Variants in DDI2 observed in about 807,000 individuals in gnomAD.
DDI2 encodes DDI proteasomal shuttling factor 2, also known as protein DDI1 homolog 2.
Under a neutral mutation model 48.1 loss-of-function variants are expected in DDI2, and 5 were observed. The observed-to-expected ratio is 0.10, with a 90% CI of 0.05 to 0.22. DDI2 has a LOEUF of 0.22. Ranked by LOEUF, DDI2 falls within the 10% of genes least tolerant of loss-of-function variation. The probability of loss-of-function intolerance (pLI) is 1.00; values close to 1 mark genes in which losing one functional copy is unlikely to be tolerated. For synonymous variants in DDI2, 205 were observed against 183.6 expected (o/e 1.12, Z -0.94); for missense variants, 285 against 506.2 (o/e 0.56, Z 4.19).
chr1:15,657,158 TCAGGGGTGACTCTGAA>T (rs1640284848), intron 9 of DDI2, among the ~76,000 whole-genome samples: 1 of 152,218 alleles, frequency 6.6e-6, no homozygotes, highest in Non-Finnish European at 1.5e-5. Context: ...AGAGGACTTG[TCAGGGGTGACTCTGAA>T]CAACAGGAAC....
chr1:15,651,715 G>A lies in DDI2; in HGVS notation c.1003G>A (p.Asp335Asn), dbSNP rs920969914. The change falls in exon 8 of 10, where the codon GAC (aspartate) becomes AAC (asparagine). Residue 335 changes from aspartate to asparagine, a missense_variant. By Grantham distance (23) the Asp-to-Asn change is conservative. Coordinates refer to ENST00000480945, the MANE Select transcript of DDI2 (RefSeq NM_032341.5). ...DMLKRHQCSI[D>N]LKKNVLVIGT... ...GTTTCTTTCTTCCAAGTGTTCCATC[G>A]ACCTGAAGAAAAATGTACTCGTGAT... 5 of 1,603,714 alleles carry A rather than the reference G, an allele frequency of 3.1e-6. No homozygotes were observed. Among genetic ancestry groups the A allele is most frequent in the Non-Finnish European group, 1.7e-6 (2 of 1,176,054 alleles).
chr1:15,647,129 T>A (rs1640104129), intron 6 of DDI2, among the ~76,000 whole-genome samples: 1 of 151,992 alleles, frequency 6.6e-6, no homozygotes, highest in South Asian at 2.1e-4. Context: ...GGATCAGCTT[T>A]TGGGTTGTTT....
At chr1:15,622,376 T>C (rs541381624) in intron 1 of DDI2, among the ~76,000 whole-genome samples, 2 of 152,142 alleles carry the variant, frequency 1.3e-5, no homozygotes, top group African/African-American at 4.8e-5. Flanking sequence ...TTTTTGTTAA[T>C]AGAAGGCTCT....
rs1163198011 is a variant in DDI2, at chr1:15,666,350, TG to T, written c.*6562del. On this transcript the variant is annotated 3_prime_UTR_variant, in exon 10 of 10. Coordinates refer to ENST00000480945, the MANE Select transcript of DDI2 (RefSeq NM_032341.5). Reference sequence around the variant, plus strand: ...GGGGAAAGTTTGAAAATAGCTCTCCTGGAGATGGAGGGCACACAGAGTGGTC... The same window carrying T: ...GGGGAAAGTTTGAAAATAGCTCTCCTGAGATGGAGGGCACACAGAGTGGTC... 1.3e-5 allele frequency: 2 copies of T among 152,290 alleles called. No individual in the cohort carries two copies. The allele number at this position is 152,290 out of a possible 1,614,324, so 9.4% of individuals were successfully genotyped here.
Position 15,651,765 on chromosome 1 carries a change from C to G in DDI2, c.1053C>G (p.Thr351=), listed in dbSNP as rs765172868. The G allele has an allele frequency of 5.6e-6, 9 of 1,613,944 alleles. No individual in the cohort carries two copies. Among genetic ancestry groups the G allele is most frequent in the Non-Finnish European group, 7.6e-6 (9 of 1,179,848 alleles). The change falls in exon 8 of 10, where the codon ACC becomes ACG. Residue 351 remains threonine, a synonymous_variant. Coordinates refer to ENST00000480945, the MANE Select transcript of DDI2 (RefSeq NM_032341.5). The part of the protein sequence containing the change: ...LVIGTTGSQT[T]FLPEGELPEC... ...TCGGCACCACAGGCTCCCAGACCAC[C>G]TTTCTTCCTGAGGGAGAGCTACCAG...
rs140251091 is a variant in DDI2 at position 15,659,907 on chromosome 1, C to A, written c.*117C>A. The stretch of plus-strand genomic sequence containing the variant: ...CAACTTCAGATGGGTTTAACCATCC[C>A]GCCCGTTCTTCAGGACAGAGTCCTG... On this transcript the variant is annotated 3_prime_UTR_variant, in exon 10 of 10. Coordinates refer to ENST00000480945, the MANE Select transcript of DDI2 (RefSeq NM_032341.5). The A allele has an allele frequency of 6.2e-7, 1 of 1,604,268 alleles. No homozygotes were observed. Among genetic ancestry groups the A allele is most frequent in the Non-Finnish European group, 8.5e-7 (1 of 1,176,906 alleles).
Position 15,661,192 on chromosome 1 carries a change from GA to G in DDI2, c.*1406del. 2 of 1,614,196 alleles carry G rather than the reference GA, an allele frequency of 1.2e-6. No individual in the cohort carries two copies. Among genetic ancestry groups the G allele is most frequent in the Non-Finnish European group, 1.7e-6 (2 of 1,180,032 alleles). On this transcript the variant is annotated 3_prime_UTR_variant, in exon 10 of 10. Coordinates refer to ENST00000480945, the MANE Select transcript of DDI2 (RefSeq NM_032341.5). The stretch of plus-strand genomic sequence containing the variant: ...ATCTGACACTGGAAGAGAAGCTGTA[GA>G]AAATGTAAACTTCAGGAGTCTAGGT...
chr1:15,644,620 G>A (rs1163763999), intron 6 of DDI2, among the ~76,000 whole-genome samples: 4 of 111,208 alleles, frequency 3.6e-5, no homozygotes, highest in Admixed American at 1.1e-4. Context: ...TTGAGACGGA[G>A]TCTCACTCTG....
Position 15,661,464 on chromosome 1 carries a change from AACAG to A in DDI2, c.*1679_*1682del, listed in dbSNP as rs762372962. ...TAGGTCAGGGCATACAGAATTCAGT[AACAG>A]ACAGGCCTGAAACCAGAGAAAATGT... is the stretch of plus-strand genomic sequence containing the variant. On this transcript the variant is annotated 3_prime_UTR_variant, in exon 10 of 10. Transcript: ENST00000480945. The A allele has an allele frequency of 2.6e-5, 42 of 1,613,850 alleles. No homozygotes were observed. The highest frequency in any genetic ancestry group is 6.7e-5 in the Admixed American group (4 of 59,988).
chr1:15,631,189 TCAA>T (rs1269230989), intron 3 of DDI2, among the ~76,000 whole-genome samples: 2 of 145,532 alleles, frequency 1.4e-5, no homozygotes, highest in African/African-American at 5.1e-5. Flanking sequence ...AAAGAGATCA[TCAA>T]CAAGCCAGCT....
At position 15,617,606 on chromosome 1, in the gene DDI2, C is replaced by T; in HGVS notation, c.-65C>T. On this transcript the variant is annotated 5_prime_UTR_variant, in exon 1 of 10. Coordinates refer to ENST00000480945, the MANE Select transcript of DDI2 (RefSeq NM_032341.5). The stretch of plus-strand genomic sequence containing the variant: ...CAGCACCAGCCAGGCCACGCCGCCG[C>T]CTCTTCCCCTGCGCCCCGCGCCCAG... The T allele has an allele frequency of 7.9e-7, 1 of 1,259,382 alleles. No individual in the cohort carries two copies. The highest frequency in any genetic ancestry group is 1.0e-6 in the Non-Finnish European group (1 of 994,712). 78.0% of individuals were successfully genotyped at this position (1,259,382 alleles called of 1,614,324 possible).
At chr1:15,642,009 T>G (rs1640018540) in intron 5 of DDI2, among the ~76,000 whole-genome samples, 1 of 149,318 alleles carries the variant, frequency 6.7e-6, no homozygotes, top group South Asian at 2.1e-4. Flanking sequence ...TAGCAGAAAT[T>G]GCATAGACCT....
rs368644509 is a variant in DDI2, at chr1:15,618,166, A to T, written c.138+358A>T. Reference sequence around the variant, plus strand: ...GTAGGATATCGTTGTGGACCTCAGAAGCAGCCCTGGGTTTGCTAGGATTCA... The same window carrying T: ...GTAGGATATCGTTGTGGACCTCAGATGCAGCCCTGGGTTTGCTAGGATTCA... On this transcript the variant is annotated intron_variant, in intron 1 of 9. Transcript: ENST00000480945. Among the ~76,000 whole-genome samples, 15 of 151,966 alleles carry T rather than the reference A, an allele frequency of 9.9e-5. No homozygotes were observed. The South Asian group carries it at 1.7e-3, about 17-fold the overall frequency.
intron 3 of DDI2, among the ~76,000 whole-genome samples, chr1:15,632,931 TAAAA>T (rs766037022): frequency 0.012 from 1,261 of 106,018 alleles, 34 homozygotes; most frequent in African/African-American, 0.046. Flanking sequence ...TTTTTTTTTT[TAAAA>T]AAAAAAAAAC....
At chr1:15,648,113 T>C (rs1010507364) in intron 6 of DDI2, among the ~76,000 whole-genome samples, 2 of 152,236 alleles carry the variant, frequency 1.3e-5, no homozygotes, top group East Asian at 1.9e-4. Context: ...GTTTCTCTTA[T>C]TGATTTGTGT....
intron 8 of DDI2, among the ~76,000 whole-genome samples, chr1:15,655,094 A>G (rs1640251582): frequency 6.6e-6 from 1 of 152,174 alleles, no homozygotes; most frequent in Non-Finnish European, 1.5e-5. Flanking sequence ...AAACAGATAC[A>G]CATATGTTTC....
At position 15,661,113 on chromosome 1, in the gene DDI2, C is replaced by T. The variant is rs761264316; in HGVS notation, c.*1323C>T. On this transcript the variant is annotated 3_prime_UTR_variant, in exon 10 of 10. Transcript: ENST00000480945. ...AGAATGAACAGTGTCCACAAGTCTC[C>T]TTTCATCAGGCCATATCTGTATCAG... The T allele has an allele frequency of 1.2e-5, 19 of 1,613,682 alleles. No homozygotes were observed. The highest frequency in any genetic ancestry group is 1.6e-5 in the Non-Finnish European group (19 of 1,179,876).
rs538669581 is a variant in DDI2 at position 15,637,617 on chromosome 1, C to T, written c.633-690C>T. Among the ~76,000 whole-genome samples, 3 of 152,346 alleles carry T rather than the reference C, an allele frequency of 2.0e-5. No homozygotes were observed. In the East Asian group the frequency reaches 5.8e-4, roughly 29 times the overall value. Reference sequence around the variant, plus strand: ...TCCTGACCTCCGGTGATCCACCCGCCTTGGCCTCCCAAAGTGTTGGGATTA... The same window carrying T: ...TCCTGACCTCCGGTGATCCACCCGCTTTGGCCTCCCAAAGTGTTGGGATTA... On this transcript the variant is annotated intron_variant, in intron 4 of 9. Transcript: ENST00000480945.
At chr1:15,620,014 G>A (rs1639632142) in intron 1 of DDI2, among the ~76,000 whole-genome samples, 1 of 152,092 alleles carries the variant, frequency 6.6e-6, no homozygotes, top group Admixed American at 6.5e-5. Context: ...TTATTGTGTG[G>A]TCAGCCAGAC....
Sources: allele counts gnomAD v4.1 joint callset (sites outside exome capture counted in the v4.1 genomes callset), GRCh38; gene constraint gnomAD v4.1.1; transcripts MANE v1.5; gene names NCBI Gene and HGNC (gene_info 2026-07-23, HGNC 2026-07-21).